Variants in GRIK2 observed in about 807,000 individuals in gnomAD.
The protein encoded by GRIK2 is glutamate receptor ionotropic, kainate 2.
A neutral mutation model predicts 100.3 loss-of-function variants in GRIK2; 32 were observed. The observed-to-expected ratio is 0.32, with a 90% CI of 0.24 to 0.43. The LOEUF is 0.43. Ranked by LOEUF, GRIK2 falls within the 20% of genes least tolerant of loss-of-function variation. The probability of loss-of-function intolerance (pLI) is 1.00; values close to 1 mark genes in which losing one functional copy is unlikely to be tolerated. For synonymous variants in GRIK2, 417 were observed against 389.4 expected (o/e 1.07, Z -0.83); for missense variants, 843 against 1,114.9 (o/e 0.76, Z 3.47).
chr6:101,753,023 G>C (rs111756715), intron 7 of GRIK2, among the ~76,000 whole-genome samples: 7 of 152,072 alleles, frequency 4.6e-5, no homozygotes, highest in African/African-American at 1.4e-4. Context: ...GGCTGGGCGC[G>C]GTGGCTCACG....
chr6:101,549,973 T>C (rs909138167), intron 2 of GRIK2, among the ~76,000 whole-genome samples: 1 of 152,204 alleles, frequency 6.6e-6, no homozygotes, highest in African/African-American at 2.4e-5. Flanking sequence ...CCAGGACCCA[T>C]GCTCTTAACC....
In GRIK2 at chr6:101,816,723, T is replaced by A. The variant is rs575050613; in HGVS notation, c.1204-1647T>A. Reference sequence around the variant, plus strand: ...ATAAATAAATAAATTAATTAATTTTTAAAAAATTAAATAGTTTAAGCAGGT... The same window carrying A: ...ATAAATAAATAAATTAATTAATTTTAAAAAAATTAAATAGTTTAAGCAGGT... On this transcript the variant is annotated intron_variant, in intron 9 of 16. Coordinates refer to ENST00000369134, the MANE Select transcript of GRIK2 (RefSeq NM_021956.5). Among the ~76,000 whole-genome samples the A allele has an allele frequency of 1.9e-4, 29 of 152,118 alleles. No individual in the cohort carries two copies. The East Asian group carries it at 5.2e-3, about 27-fold the overall frequency.
chr6:101,495,239 C>T (rs1240266086), intron 2 of GRIK2, among the ~76,000 whole-genome samples: 1 of 152,024 alleles, frequency 6.6e-6, no homozygotes, highest in African/African-American at 2.4e-5. Context: ...GGCACAGTGG[C>T]TCATGCCTGT....
chr6:101,820,362 C>A (rs77819827), intron 10 of GRIK2, among the ~76,000 whole-genome samples: 5,181 of 152,232 alleles, frequency 0.034, 149 homozygotes, highest in South Asian at 0.14. Flanking sequence ...CCCCTACACT[C>A]CTTTCTATCA....
intron 12 of GRIK2, among the ~76,000 whole-genome samples, chr6:101,912,135 C>T (rs7770342): frequency 3.4e-5 from 5 of 148,964 alleles, no homozygotes; most frequent in Non-Finnish European, 7.4e-5. Context: ...GAGAAATCAG[C>T]ACTATAGACA....
chr6:101,618,695 T>A (rs1780009650), intron 2 of GRIK2, among the ~76,000 whole-genome samples: 1 of 151,750 alleles, frequency 6.6e-6, no homozygotes, highest in Non-Finnish European at 1.5e-5. Flanking sequence ...TTAGTATTTG[T>A]TTTAGTGGAG....
intron 2 of GRIK2, among the ~76,000 whole-genome samples, chr6:101,487,235 A>C (rs1288169426): frequency 6.8e-6 from 1 of 146,682 alleles, no homozygotes; most frequent in East Asian, 1.9e-4. Flanking sequence ...ATGAGATTAC[A>C]ATATCCCAGG....
At chr6:101,765,078 T>C (rs1777962383) in intron 7 of GRIK2, among the ~76,000 whole-genome samples, 1 of 152,138 alleles carries the variant, frequency 6.6e-6, no homozygotes, top group South Asian at 2.1e-4. Flanking sequence ...TCTTTCTCCT[T>C]CTCCACCTAA....
chr6:101,454,861 T>G (rs1770910464), intron 2 of GRIK2, among the ~76,000 whole-genome samples: 1 of 152,138 alleles, frequency 6.6e-6, no homozygotes, highest in South Asian at 2.1e-4. Context: ...CCTGGTAGAT[T>G]TTCAAGATTT....
intron 14 of GRIK2, among the ~76,000 whole-genome samples, chr6:101,992,984 T>C (rs1039861225): frequency 6.6e-6 from 1 of 151,580 alleles, no homozygotes; most frequent in Non-Finnish European, 1.5e-5. Flanking sequence ...TAAAGATGTC[T>C]TTATAAGATA....
intron 14 of GRIK2, among the ~76,000 whole-genome samples, chr6:101,941,943 G>A (rs1790980414): frequency 1.3e-5 from 2 of 151,876 alleles, no homozygotes; most frequent in South Asian, 4.2e-4. Flanking sequence ...CCCAGATTTA[G>A]GAGAAAAATT....
intron 14 of GRIK2, among the ~76,000 whole-genome samples, chr6:101,978,375 G>A (rs1473081068): frequency 1.3e-5 from 2 of 151,936 alleles, no homozygotes; most frequent in South Asian, 2.1e-4. Flanking sequence ...CTTTAAAAAT[G>A]GCATTTGTTA....
At chr6:101,906,366 C>CTCTCTGTGTGTGTG (rs1554283801) in intron 12 of GRIK2, among the ~76,000 whole-genome samples, 43 of 145,836 alleles carry the variant, frequency 2.9e-4, no homozygotes, top group African/African-American at 1.1e-3. Context: ...AAAACAAGAT[C>CTCTCTGTGTGTGTG]TGTGTGTGTG....
At chr6:101,894,613 G>A (rs1413573525) in intron 12 of GRIK2, among the ~76,000 whole-genome samples, 3 of 151,466 alleles carry the variant, frequency 2.0e-5, no homozygotes, top group Non-Finnish European at 4.4e-5. Flanking sequence ...TTATAGAGAT[G>A]GCAGTTAGTC....
intron 7 of GRIK2, among the ~76,000 whole-genome samples, chr6:101,755,045 A>G (rs1202571072): frequency 6.6e-6 from 1 of 152,150 alleles, no homozygotes; most frequent in Non-Finnish European, 1.5e-5. Flanking sequence ...GCCGACACCA[A>G]CAGGTTGATC....
chr6:101,480,769 C>T (rs528187874), intron 2 of GRIK2, among the ~76,000 whole-genome samples: 2 of 152,194 alleles, frequency 1.3e-5, no homozygotes, highest in South Asian at 4.2e-4. Context: ...TATTCAGTGG[C>T]TTTGCCTCTT....
chr6:101,835,079 A>C (rs569385644), intron 10 of GRIK2, among the ~76,000 whole-genome samples: 53 of 152,158 alleles, frequency 3.5e-4, no homozygotes, highest in Non-Finnish European at 7.4e-4. Flanking sequence ...TAGTGCCAAT[A>C]AGTATCTTTA....
At chr6:101,921,855 T>A (rs1318187566) in intron 12 of GRIK2, among the ~76,000 whole-genome samples, 1 of 152,148 alleles carries the variant, frequency 6.6e-6, no homozygotes, top group Non-Finnish European at 1.5e-5. Flanking sequence ...TTGGAGACCA[T>A]TTTTCTTAGC....
chr6:101,724,957 GTC>G (rs1774756082), intron 7 of GRIK2, among the ~76,000 whole-genome samples: 1 of 151,954 alleles, frequency 6.6e-6, no homozygotes, highest in Non-Finnish European at 1.5e-5. Flanking sequence ...TGCCTTTTCT[GTC>G]TCTTTTTCAC....
Sources: gnomAD v4.1 joint callset for allele counts (sites outside exome capture counted in the v4.1 genomes callset) on GRCh38, gnomAD v4.1.1 for gene constraint, MANE v1.5 for transcripts, NCBI Gene and HGNC (gene_info 2026-07-23, HGNC 2026-07-21) for gene names.